The following FBXL20 variants were observed in gnomAD, a reference collection of about 807,000 sequenced individuals.
The protein encoded by FBXL20 is F-box and leucine rich repeat protein 20, also known as F-box/LRR-repeat protein 20.
In FBXL20, 11 loss-of-function variants were observed where a neutral mutation model predicts 64.0. The observed-to-expected ratio is 0.17, with a 90% CI of 0.11 to 0.28. The LOEUF is 0.28. FBXL20 is among the 10% of genes least tolerant of loss of function. The probability of loss-of-function intolerance (pLI) is 1.00; values close to 1 mark genes in which losing one functional copy is unlikely to be tolerated. For missense variants in FBXL20, 303 were observed against 526.2 expected, an observed-to-expected ratio of 0.58 and a Z score of 4.15; for synonymous variants, 184 against 189.0, an observed-to-expected ratio of 0.97 and a Z score of 0.22.
intron 2 of FBXL20, among the ~76,000 whole-genome samples, chr17:39,324,016 C>A (rs2047384263): frequency 7.6e-6 from 1 of 130,738 alleles, no homozygotes; most frequent in Non-Finnish European, 1.6e-5. Flanking sequence ...CAACCCCCTC[C>A]CCCCCCCACC....
chr17:39,335,604 A>G (rs973324962), intron 2 of FBXL20, among the ~76,000 whole-genome samples: 14 of 146,580 alleles, frequency 9.6e-5, no homozygotes, highest in East Asian at 7.9e-4. Context: ...AAAAAAAAAA[A>G]GAAGGAATCT....
chr17:39,374,861 A>G (rs900669872), intron 1 of FBXL20, among the ~76,000 whole-genome samples: 13 of 151,724 alleles, frequency 8.6e-5, no homozygotes, highest in Non-Finnish European at 1.6e-4. Flanking sequence ...ATCTCGGCTC[A>G]CTGCAACCTC....
intron 6 of FBXL20, among the ~76,000 whole-genome samples, chr17:39,291,031 G>T (rs981554479): frequency 6.6e-6 from 1 of 151,092 alleles, no homozygotes; most frequent in Non-Finnish European, 1.5e-5. Context: ...GCGCGATCTC[G>T]GCTCACTGCA....
At chr17:39,320,514 T>A (rs561545456) in intron 2 of FBXL20, among the ~76,000 whole-genome samples, 1 of 152,030 alleles carries the variant, frequency 6.6e-6, no homozygotes, top group Admixed American at 6.6e-5. Context: ...CTTTTGAATA[T>A]AACTTGTATT....
chr17:39,361,421 T>C (rs1001599682), intron 1 of FBXL20, among the ~76,000 whole-genome samples: 12 of 152,182 alleles, frequency 7.9e-5, no homozygotes, highest in African/African-American at 2.7e-4. Flanking sequence ...ACTGAGAATA[T>C]TGAGAGCCTA....
Position 39,280,235 on chromosome 17 carries a change from C to CAA in FBXL20, c.696+1152_696+1153dup, listed in dbSNP as rs35241441. ...CAGGCAACAGTGCAAGACTCCGTCT[C>CAA]AAAAAAAAAAAAAAAAAATTAGCCG... On this transcript the variant is annotated intron_variant, in intron 9 of 14. Coordinates refer to ENST00000264658, the MANE Select transcript of FBXL20 (RefSeq NM_032875.3). Among the ~76,000 whole-genome samples the CAA allele has an allele frequency of 9.8e-3, 1,036 of 105,280 alleles. 6 individuals carry two copies. Among genetic ancestry groups the CAA allele is most frequent in the African/African-American group, 0.018 (403 of 22,750 alleles). The allele number at this position is 105,280 out of a possible 152,430, so 69.1% of individuals were successfully genotyped here. A position where few individuals can be genotyped will look rare whatever the true frequency, so the allele number is the denominator to read the frequency against.
Position 39,281,383 on chromosome 17 carries a change from G to C in FBXL20, c.696+6C>G. The C allele has an allele frequency of 6.2e-7, 1 of 1,613,252 alleles. No homozygotes were observed. On this transcript the variant is annotated splice_donor_region_variant and intron_variant, in intron 9 of 14. Transcript: ENST00000264658. ...AAACAGAAGAGTTGTGAGAAGGGAT[G>C]TTTACCAAGCAAGTCTGCAAGTTCA...
rs2046743149 is a variant in FBXL20, at chr17:39,261,298, G to A, written c.*162C>T. 10 of 639,696 alleles carry A rather than the reference G, an allele frequency of 1.6e-5. No homozygotes were observed. Among genetic ancestry groups the A allele is most frequent in the Non-Finnish European group, 2.6e-5 (9 of 349,770 alleles). The allele number at this position is 639,696 out of a possible 1,614,324, so 39.6% of individuals were successfully genotyped here. A position where few individuals can be genotyped will look rare whatever the true frequency, so the allele number is the denominator to read the frequency against. ...AGCTAGAGTGGATGGGGGTAAGGGT[G>A]TGTATGTGTATGTATGTGTGGCTCT... On this transcript the variant is annotated 3_prime_UTR_variant, in exon 15 of 15. Transcript: ENST00000264658.
At chr17:39,280,655 TAGA>T (rs777529347) in intron 9 of FBXL20, among the ~76,000 whole-genome samples, 6,568 of 152,200 alleles carry the variant, frequency 0.043, 164 homozygotes, top group Non-Finnish European at 0.065. Context: ...ATTATCTGAG[TAGA>T]ATTCAGGGGT....
chr17:39,260,380 A>G lies in FBXL20; in HGVS notation c.*1080T>C, dbSNP rs2046734549. 1 of 152,154 alleles carries G rather than the reference A, an allele frequency of 6.6e-6. No individual in the cohort carries two copies. Among genetic ancestry groups the G allele is most frequent in the Non-Finnish European group, 1.5e-5 (1 of 68,032 alleles). The allele number at this position is 152,154 out of a possible 1,614,324, so 9.4% of individuals were successfully genotyped here. A position where few individuals can be genotyped will look rare whatever the true frequency, so the allele number is the denominator to read the frequency against. ...TAATAATACATCTCTCTCTTTCCTT[A>G]TGATACAGTTGGTGGAGTCTGACAG... On this transcript the variant is annotated 3_prime_UTR_variant, in exon 15 of 15. Transcript: ENST00000264658.
At chr17:39,262,070 G>T (rs1334605035) in intron 14 of FBXL20, among the ~76,000 whole-genome samples, 1 of 151,954 alleles carries the variant, frequency 6.6e-6, no homozygotes, top group East Asian at 2.0e-4. Context: ...GAACCCTAAT[G>T]TAAGTAGGCA....
intron 1 of FBXL20, among the ~76,000 whole-genome samples, chr17:39,351,791 A>T (rs1036720004): frequency 5.3e-5 from 8 of 152,192 alleles, no homozygotes; most frequent in South Asian, 2.1e-4. Flanking sequence ...TCAAAGGACA[A>T]TATCACCTAA....
intron 9 of FBXL20, 83 bp from the exon 10 acceptor site, chr17:39,275,183 T>G: frequency 2.9e-6 from 4 of 1,398,068 alleles, no homozygotes; most frequent in Non-Finnish European, 3.9e-6. Flanking sequence ...TCTGTGAAAA[T>G]AATCACCAAA....
intron 1 of FBXL20, among the ~76,000 whole-genome samples, chr17:39,364,237 T>G (rs1261805236): frequency 6.6e-6 from 1 of 152,172 alleles, no homozygotes; most frequent in African/African-American, 2.4e-5. Context: ...CAATGCAATT[T>G]TGTTGCTTCT....
chr17:39,375,273 T>C (rs1252885971), intron 1 of FBXL20, among the ~76,000 whole-genome samples: 6 of 152,058 alleles, frequency 3.9e-5, no homozygotes, highest in Non-Finnish European at 8.8e-5. Flanking sequence ...TACTTTTGTA[T>C]AACTGGAGGT....
intron 6 of FBXL20, among the ~76,000 whole-genome samples, chr17:39,294,644 A>T (rs575075623): frequency 1.5e-4 from 23 of 152,190 alleles, no homozygotes; most frequent in Admixed American, 9.2e-4. Flanking sequence ...ATTCACTAAA[A>T]TGTGGAAATT....
chr17:39,356,214 C>CAAAAA (rs56838813), intron 1 of FBXL20, among the ~76,000 whole-genome samples: 3 of 75,862 alleles, frequency 4.0e-5, no homozygotes, highest in African/African-American at 1.3e-4. Context: ...GACTCCATCT[C>CAAAAA]AAAAAAAAAA....
intron 1 of FBXL20, among the ~76,000 whole-genome samples, chr17:39,393,287 C>T (rs1322232997): frequency 6.6e-6 from 1 of 150,516 alleles, no homozygotes; most frequent in Admixed American, 6.6e-5. Context: ...GAAACTGTCT[C>T]AGGAAAAAAA....
At chr17:39,399,665 C>A (rs9905432) in intron 1 of FBXL20, among the ~76,000 whole-genome samples, 56,433 of 152,040 alleles carry the variant, frequency 0.37, 13,179 homozygotes, top group African/African-American at 0.66. Context: ...AGAAAGATTT[C>A]GTTGCCAGCT....
Sources: gnomAD v4.1 joint callset for allele counts (sites outside exome capture counted in the v4.1 genomes callset) on GRCh38, gnomAD v4.1.1 for gene constraint, MANE v1.5 for transcripts, NCBI Gene and HGNC (gene_info 2026-07-23, HGNC 2026-07-21) for gene names.